The following LRRC20 variants were observed in gnomAD, a reference collection of about 807,000 sequenced individuals.
The protein encoded by LRRC20 is leucine rich repeat containing 20, also known as leucine-rich repeat-containing protein 20.
In LRRC20, 11 loss-of-function variants were observed where a neutral mutation model predicts 14.4. The observed-to-expected ratio is 0.77, with a 90% CI of 0.48 to 1.27. LRRC20 has a LOEUF of 1.27. LRRC20 is among the 50% of genes most tolerant of loss of function. The pLI is 0.00. For missense variants in LRRC20, 219 were observed against 251.2 expected, an observed-to-expected ratio of 0.87 and a Z score of 0.87; for synonymous variants, 121 against 107.3, an observed-to-expected ratio of 1.13 and a Z score of -0.79.
chr10:70,309,006 C>T (rs1433857621), intron 4 of LRRC20, among the ~76,000 whole-genome samples: 1 of 152,172 alleles, frequency 6.6e-6, no homozygotes, highest in Non-Finnish European at 1.5e-5. Context: ...CCCATTTTCC[C>T]TATTAATAAT....
chr10:70,304,474 A>C (rs1256135759), intron 4 of LRRC20, among the ~76,000 whole-genome samples: 9 of 14,508 alleles, frequency 6.2e-4, no homozygotes, highest in African/African-American at 2.7e-3. Flanking sequence ...ACTTCTTTAT[A>C]TATATATATA....
At chr10:70,349,242 C>T (rs1283520581) in intron 2 of LRRC20, among the ~76,000 whole-genome samples, 1 of 152,196 alleles carries the variant, frequency 6.6e-6, no homozygotes, top group African/African-American at 2.4e-5. Flanking sequence ...ATTCCTAAAC[C>T]AGCAGAGGCC....
At chr10:70,356,439 T>G (rs994896863) in intron 2 of LRRC20, among the ~76,000 whole-genome samples, 13 of 152,092 alleles carry the variant, frequency 8.5e-5, no homozygotes. Flanking sequence ...TCGCTTGAGC[T>G]TGGGAGGCAG....
At chr10:70,338,901 T>C (rs1244741479) in intron 3 of LRRC20, among the ~76,000 whole-genome samples, 2 of 152,214 alleles carry the variant, frequency 1.3e-5, no homozygotes, top group African/African-American at 4.8e-5. Context: ...CCTCAGGGGA[T>C]CCACCTGCCT....
At position 70,373,724 on chromosome 10, in the gene LRRC20, G is replaced by A. The variant is rs564882781; in HGVS notation, c.82+2728C>T. On this transcript the variant is annotated intron_variant, in intron 2 of 4. Coordinates refer to ENST00000446961, the MANE Select transcript of LRRC20 (RefSeq NM_001278212.2). ...CTCCCAACTTGACTAGAGCTTCACA[G>A]CAGTCATGACCCTGGCAATCACCAA... 5.3e-5 allele frequency among the ~76,000 whole-genome samples: 8 copies of A among 152,358 alleles called. No individual in the cohort carries two copies. In the South Asian group the frequency reaches 8.3e-4, roughly 16 times the overall value.
At chr10:70,316,310 T>C (rs1384421220) in intron 4 of LRRC20, among the ~76,000 whole-genome samples, 2 of 152,100 alleles carry the variant, frequency 1.3e-5, no homozygotes, top group Non-Finnish European at 2.9e-5. Context: ...TTTTTGTATT[T>C]TTAGTAGAGA....
At chr10:70,347,833 A>AT (rs1554841352) in intron 2 of LRRC20, among the ~76,000 whole-genome samples, 2 of 146,550 alleles carry the variant, frequency 1.4e-5, no homozygotes, top group African/African-American at 2.6e-5. Flanking sequence ...AAAAAAAAAA[A>AT]CCCAAAAAAC....
intron 2 of LRRC20, among the ~76,000 whole-genome samples, chr10:70,371,953 T>C (rs2137157141): frequency 6.6e-6 from 1 of 152,224 alleles, no homozygotes; most frequent in East Asian, 1.9e-4. Flanking sequence ...GTGAAGTGCT[T>C]ACCAGGGTTA....
chr10:70,335,317 A>G (rs901130494), intron 3 of LRRC20, among the ~76,000 whole-genome samples: 7 of 152,168 alleles, frequency 4.6e-5, no homozygotes, highest in African/African-American at 1.7e-4. Flanking sequence ...CTCCAGATGC[A>G]GGGTCTTGGG....
chr10:70,356,262 A>T (rs1461548757), intron 2 of LRRC20, among the ~76,000 whole-genome samples: 2 of 152,212 alleles, frequency 1.3e-5, no homozygotes, highest in Non-Finnish European at 2.9e-5. Flanking sequence ...CCGTAACCCA[A>T]GCACTTTGGG....
chr10:70,322,719 A>C (rs1842133844), intron 4 of LRRC20, among the ~76,000 whole-genome samples: 1 of 152,102 alleles, frequency 6.6e-6, no homozygotes, highest in South Asian at 2.1e-4. Context: ...TTGTGGAATC[A>C]CATATTCCTA....
chr10:70,340,837 GCTTCAGAC>G, intron 2 of LRRC20, 135 bp from the exon 3 acceptor site: 1 of 872,992 alleles, frequency 1.1e-6, no homozygotes, highest in Non-Finnish European at 1.8e-6. Flanking sequence ...CCAGGACCAG[GCTTCAGAC>G]CCTGCCCTCC....
chr10:70,381,263 G>A (rs1451370497), intron 1 of LRRC20, among the ~76,000 whole-genome samples: 1 of 152,236 alleles, frequency 6.6e-6, no homozygotes, highest in African/African-American at 2.4e-5. Flanking sequence ...ACCATTACAT[G>A]TTTCCCACAC....
chr10:70,350,781 A>T (rs1259348043), intron 2 of LRRC20, among the ~76,000 whole-genome samples: 1 of 152,180 alleles, frequency 6.6e-6, no homozygotes, highest in Admixed American at 6.5e-5. Context: ...AGGCTACTGG[A>T]GGAACTCTGT....
intron 2 of LRRC20, among the ~76,000 whole-genome samples, chr10:70,356,931 G>C (rs1431880820): frequency 6.6e-6 from 1 of 152,126 alleles, no homozygotes; most frequent in Non-Finnish European, 1.5e-5. Flanking sequence ...TTTCACAATA[G>C]TTGAAAAGTG....
chr10:70,361,201 C>G (rs1481791630), intron 2 of LRRC20, among the ~76,000 whole-genome samples: 2 of 152,208 alleles, frequency 1.3e-5, no homozygotes, highest in Non-Finnish European at 2.9e-5. Context: ...TCAGTTTCTC[C>G]TTTGATAAGT....
intron 2 of LRRC20, among the ~76,000 whole-genome samples, chr10:70,375,078 G>C (rs1274434519): frequency 6.6e-6 from 1 of 152,146 alleles, no homozygotes; most frequent in East Asian, 1.9e-4. Context: ...CAGTGGTAGA[G>C]AGCCTTAAAC....
Position 70,346,243 on chromosome 10 carries a change from A to G in LRRC20, c.83-5541T>C, listed in dbSNP as rs1843069194. On this transcript the variant is annotated intron_variant, in intron 2 of 4. Coordinates refer to ENST00000446961, the MANE Select transcript of LRRC20 (RefSeq NM_001278212.2). Reference sequence around the variant, plus strand: ...CAGAATGACAGAGAGACTCTGTCTCAAAAAAATAAATAAATAAAATAAATT... The same window carrying G: ...CAGAATGACAGAGAGACTCTGTCTCGAAAAAATAAATAAATAAAATAAATT... 1.3e-5 allele frequency among the ~76,000 whole-genome samples: 2 copies of G among 152,102 alleles called. 1 individual carries two copies. Among genetic ancestry groups the G allele is most frequent in the South Asian group, 4.1e-4 (2 of 4,832 alleles).
intron 4 of LRRC20, among the ~76,000 whole-genome samples, chr10:70,309,878 C>T (rs1340509898): frequency 6.6e-6 from 1 of 152,260 alleles, no homozygotes; most frequent in African/African-American, 2.4e-5. Flanking sequence ...CAGCCCAGCC[C>T]CGGAACACAT....
Sources: gnomAD v4.1 joint callset for allele counts (sites outside exome capture counted in the v4.1 genomes callset) on GRCh38, gnomAD v4.1.1 for gene constraint, MANE v1.5 for transcripts, NCBI Gene and HGNC (gene_info 2026-07-23, HGNC 2026-07-21) for gene names.